ZNF530: variants seen among roughly 807,000 people sequenced by gnomAD.
The protein encoded by ZNF530 is zinc finger protein 530.
ZNF530 carries 5 observed loss-of-function variants against 2.8 expected under a neutral mutation model. That is an observed-to-expected ratio of 1.80 (90% confidence interval 0.94 to 3.78). The LOEUF is 3.78. Among genes scored for constraint, ZNF530 ranks in the 30% most tolerant of loss-of-function variants. The pLI, the probability that ZNF530 is intolerant of heterozygous loss-of-function variation, is 0.00. For synonymous variants in ZNF530, 229 were observed against 235.0 expected (o/e 0.97, Z 0.23); for missense variants, 619 against 673.3 (o/e 0.92, Z 0.89).
intron 3 of ZNF530, chr19:57,604,772 A>G: frequency 5.2e-6 from 1 of 193,402 alleles, no homozygotes; most frequent in South Asian, 9.8e-5. Context: ...AGGTATCATC[A>G]TGTTAACTAC....
In ZNF530 at chr19:57,607,292, C is replaced by T. The variant is rs752217887; in HGVS notation, c.1668C>T (p.Gly556=). Residue 556 remains glycine (G), a synonymous_variant, in exon 4 of 4, where the codon GGC becomes GGT. Transcript: ENST00000597700. The stretch of plus-strand genomic sequence containing the variant: ...GAAAATCCTTTAGCCAAAGCTCTGG[C>T]CTCTTAAGACACAGAAGAGTTCATG... ...ECGKSFSQSS[G]LLRHRRVHVQ 2 of 1,612,640 alleles carry T rather than the reference C, an allele frequency of 1.2e-6. No homozygotes were observed. The highest frequency in any genetic ancestry group is 3.3e-5 in the Admixed American group (2 of 59,938).
chr19:57,606,695 C>T lies in ZNF530; in HGVS notation c.1071C>T (p.Cys357=), dbSNP rs369515199. ...GTGAATGTGGGAAAGCATTTAGTTG[C>T]AATATCTACCTTATTCACCACCAAA... ...ECSECGKAFS[C]NIYLIHHQRF... The change falls in exon 4 of 4, where the codon TGC becomes TGT. Residue 357 remains cysteine (C), a synonymous_variant. Transcript: ENST00000597700. 6.2e-7 allele frequency: 1 copy of T among 1,612,944 alleles called. No homozygotes were observed. Among genetic ancestry groups the T allele is most frequent in the Non-Finnish European group, 8.5e-7 (1 of 1,179,808 alleles).
At chr19:57,604,141 C>T in intron 2 of ZNF530, 136 bp from the exon 3 acceptor site, 1 of 1,179,346 alleles carries the variant, frequency 8.5e-7, no homozygotes. Flanking sequence ...GAGTAGGCAT[C>T]AGTGGCATCA....
intron 2 of ZNF530, among the ~76,000 whole-genome samples, chr19:57,602,920 T>A (rs1382756337): frequency 6.6e-6 from 1 of 152,162 alleles, no homozygotes; most frequent in Non-Finnish European, 1.5e-5. Context: ...AGATGGAGTC[T>A]TGCTCTGTTC....
chr19:57,604,775 T>G (rs2074206), intron 3 of ZNF530: 145,667 of 185,744 alleles, frequency 0.78, 57,606 homozygotes, highest in Middle Eastern at 0.86. Flanking sequence ...TATCATCATG[T>G]TAACTACTTA....
At chr19:57,601,698 A>G (rs1980249031) in intron 2 of ZNF530, among the ~76,000 whole-genome samples, 1 of 152,202 alleles carries the variant, frequency 6.6e-6, no homozygotes, top group Non-Finnish European at 1.5e-5. Flanking sequence ...CTATAAAGAA[A>G]TACCTAAGGC....
rs1363097538 is a variant in ZNF530, at chr19:57,606,728, C to T, written c.1104C>T (p.His368=). Residue 368 remains histidine (H), a synonymous_variant, in exon 4 of 4, where the codon CAC becomes CAT. Coordinates refer to ENST00000597700, the MANE Select transcript of ZNF530 (RefSeq NM_001321981.2). ...ACCTTATTCACCACCAAAGATTTCA[C>T]ACTGGAGAAAGACCTTATGTGTGCA... The part of the protein sequence containing the change: ...NIYLIHHQRF[H]TGERPYVCSE... 1 of 1,614,108 alleles carries T rather than the reference C, an allele frequency of 6.2e-7. No homozygotes were observed. Among genetic ancestry groups the T allele is most frequent in the South Asian group, 1.1e-5 (1 of 91,074 alleles).
chr19:57,607,280 C>T lies in ZNF530; in HGVS notation c.1656C>T (p.Ser552=). ...GCAGTGAATGTGGAAAATCCTTTAG[C>T]CAAAGCTCTGGCCTCTTAAGACACA... The part of the protein sequence containing the change: ...YECSECGKSF[S]QSSGLLRHRR... Residue 552 remains serine, a synonymous_variant, in exon 4 of 4, where the codon AGC becomes AGT. Coordinates refer to ENST00000597700, the MANE Select transcript of ZNF530 (RefSeq NM_001321981.2). 6.2e-7 allele frequency: 1 copy of T among 1,613,646 alleles called. No individual in the cohort carries two copies. Among genetic ancestry groups the T allele is most frequent in the Middle Eastern group, 1.7e-4 (1 of 6,056 alleles).
Position 57,606,085 on chromosome 19 carries a change from AG to A in ZNF530, c.463del (p.Val155Ter). 6.2e-7 allele frequency: 1 copy of A among 1,614,236 alleles called. No individual in the cohort carries two copies. Among genetic ancestry groups the A allele is most frequent in the Non-Finnish European group, 8.5e-7 (1 of 1,180,048 alleles). On this transcript the variant is annotated frameshift_variant, in exon 4 of 4. Coordinates refer to ENST00000597700, the MANE Select transcript of ZNF530 (RefSeq NM_001321981.2). LOFTEE classifies it low-confidence loss of function (END_TRUNC). Reference sequence around the variant, plus strand: ...GCCACCTCAGGACTTCTCCAGCATCAGGTGACTCCCACCATTGAGAGACCAC... The same window carrying A: ...GCCACCTCAGGACTTCTCCAGCATCAGTGACTCCCACCATTGAGAGACCAC... ...FSATSGLLQH[Q>X]VTPTIERPHS...
At chr19:57,611,577 A>G (rs533286127), downstream of ZNF530, among the ~76,000 whole-genome samples, 2 of 152,202 alleles carry the variant, frequency 1.3e-5, no homozygotes, top group South Asian at 2.1e-4. Context: ...ATACCAGTCA[A>G]ATTTTGCCAT....
Position 57,607,144 on chromosome 19 carries a change from T to C in ZNF530, c.1520T>C (p.Val507Ala). The C allele has an allele frequency of 6.2e-7, 1 of 1,613,724 alleles. No homozygotes were observed. The highest frequency in any genetic ancestry group is 8.5e-7 in the Non-Finnish European group (1 of 1,179,952). ...TCTGCCCTCCTTCAGCATAGGAGAG[T>C]TCACACTGGAGAAAGGCCTTATGAG... Reference protein sequence around the residue: ...QSSALLQHRRVHTGERPYECR... With the variant: ...QSSALLQHRRAHTGERPYECR... The change falls in exon 4 of 4, where the codon GTT (valine) becomes GCT (alanine). Residue 507 changes from valine (V) to alanine (A), a missense_variant. Transcript: ENST00000597700.
At position 57,605,778 on chromosome 19, in the gene ZNF530, A is replaced by G. The variant is rs931433966; in HGVS notation, c.154A>G (p.Thr52Ala). ...LSQGRTPKAD[T>A]STDKSHPCEI... is the part of the protein sequence containing the mutation. ...ACAGGGCAGGACTCCAAAGGCAGAT[A>G]CATCCACTGATAAGAGTCACCCCTG... The change falls in exon 4 of 4, where the codon ACA becomes GCA. Residue 52 changes from threonine (T) to alanine (A), a missense_variant. Transcript: ENST00000597700. 1.4e-5 allele frequency: 23 copies of G among 1,614,214 alleles called. No homozygotes were observed. Among genetic ancestry groups the G allele is most frequent in the South Asian group, 2.2e-5 (2 of 91,090 alleles).
chr19:57,607,187 A>G lies in ZNF530; in HGVS notation c.1563A>G (p.Lys521=). Residue 521 remains lysine, a synonymous_variant, in exon 4 of 4, where the codon AAA becomes AAG. Coordinates refer to ENST00000597700, the MANE Select transcript of ZNF530 (RefSeq NM_001321981.2). Reference sequence around the variant, plus strand: ...CTTATGAGTGCAGAGAATGTGGGAAATCTTTTACCCGCAAAAATCACCTCA... The same window carrying G: ...CTTATGAGTGCAGAGAATGTGGGAAGTCTTTTACCCGCAAAAATCACCTCA... The part of the protein sequence containing the change: ...ERPYECRECG[K]SFTRKNHLIQ... The G allele has an allele frequency of 6.2e-7, 1 of 1,614,008 alleles. No individual in the cohort carries two copies. The highest frequency in any genetic ancestry group is 8.5e-7 in the Non-Finnish European group (1 of 1,180,012).
rs1980708950 is a variant in ZNF530 at position 57,608,339 on chromosome 19, G to C, written c.*1014G>C. 1 of 152,138 alleles carries C rather than the reference G, an allele frequency of 6.6e-6. No individual in the cohort carries two copies. Among genetic ancestry groups the C allele is most frequent in the Non-Finnish European group, 1.5e-5 (1 of 68,028 alleles). The allele number at this position is 152,138 out of a possible 1,614,324, so 9.4% of individuals were successfully genotyped here. Reference sequence around the variant, plus strand: ...TAATAGGACTCTGTCAGCTTAAAAGGGTATATAACATTTGTGGGGATTCAA... The same window carrying C: ...TAATAGGACTCTGTCAGCTTAAAAGCGTATATAACATTTGTGGGGATTCAA... On this transcript the variant is annotated 3_prime_UTR_variant, in exon 4 of 4. Transcript: ENST00000597700.
At position 57,606,050 on chromosome 19, in the gene ZNF530, G is replaced by A. The variant is rs147119609; in HGVS notation, c.426G>A (p.Arg142=). The change falls in exon 4 of 4, where the codon AGG becomes AGA. Residue 142 remains arginine (R), a synonymous_variant. Coordinates refer to ENST00000597700, the MANE Select transcript of ZNF530 (RefSeq NM_001321981.2). ...CCTTCACGTTTGGGGAAGTCGGGAG[G>A]GACTTTTCAGCCACCTCAGGACTTC... ...GKPFTFGEVG[R]DFSATSGLLQ... 39 of 1,614,122 alleles carry A rather than the reference G, an allele frequency of 2.4e-5. No individual in the cohort carries two copies. In the African/African-American group the frequency reaches 3.9e-4, roughly 16 times the overall value.
Position 57,606,595 on chromosome 19 carries a change from G to GA in ZNF530, c.975dup (p.Ser326IlefsTer3). 4.3e-6 allele frequency: 7 copies of GA among 1,613,934 alleles called. No homozygotes were observed. The highest frequency in any genetic ancestry group is 5.9e-6 in the Non-Finnish European group (7 of 1,179,956). On this transcript the variant is annotated frameshift_variant, in exon 4 of 4. Coordinates refer to ENST00000597700, the MANE Select transcript of ZNF530 (RefSeq NM_001321981.2). LOFTEE classifies it low-confidence loss of function (END_TRUNC). ...AGGCCTTATGAGTGCAGTGAATGTGGAAAATCCTTTAGCCATAGCACTAAC... is the reference window on the plus strand; with the variant it reads ...AGGCCTTATGAGTGCAGTGAATGTGGAAAAATCCTTTAGCCATAGCACTAAC...
At chr19:57,612,098 A>G (rs1176531399), downstream of ZNF530, among the ~76,000 whole-genome samples, 1 of 152,232 alleles carries the variant, frequency 6.6e-6, no homozygotes, top group East Asian at 1.9e-4. Flanking sequence ...GGAAATTCTG[A>G]GTAACATTAA....
chr19:57,607,041 C>G lies in ZNF530; in HGVS notation c.1417C>G (p.Leu473Val), dbSNP rs374868962. The G allele has an allele frequency of 6.8e-6, 11 of 1,613,292 alleles. No individual in the cohort carries two copies. In the African/African-American group the frequency reaches 1.5e-4, roughly 22 times the overall value. The change falls in exon 4 of 4, where the codon CTC (leucine) becomes GTC (valine). Residue 473 changes from leucine (L) to valine (V), a missense_variant. Transcript: ENST00000597700. ...CGKSFIRKTH[L>V]IRHQTVHTNE... ...GAAATCTTTTATCCGAAAAACCCAC[C>G]TCATTCGACACCAGACTGTTCACAC...
rs376527639 is a variant in ZNF530, at chr19:57,599,984, G to A, written c.-272G>A. On this transcript the variant is annotated 5_prime_UTR_variant, in exon 1 of 4. Coordinates refer to ENST00000597700, the MANE Select transcript of ZNF530 (RefSeq NM_001321981.2). Reference sequence around the variant, plus strand: ...CTAGGTGCTGACAGCGAGAAGGCGCGAGGAGAGTCGTTTTCTCAGCTGCAC... The same window carrying A: ...CTAGGTGCTGACAGCGAGAAGGCGCAAGGAGAGTCGTTTTCTCAGCTGCAC... 3 of 1,184,982 alleles carry A rather than the reference G, an allele frequency of 2.5e-6. No homozygotes were observed. Among genetic ancestry groups the A allele is most frequent in the African/African-American group, 3.1e-5 (2 of 64,832 alleles). 73.4% of individuals were successfully genotyped at this position (1,184,982 alleles called of 1,614,324 possible). A position where few individuals can be genotyped will look rare whatever the true frequency, so the allele number is the denominator to read the frequency against.
Sources: allele counts gnomAD v4.1 joint callset (sites outside exome capture counted in the v4.1 genomes callset), GRCh38; gene constraint gnomAD v4.1.1; transcripts MANE v1.5; gene names NCBI Gene and HGNC (gene_info 2026-07-23, HGNC 2026-07-21).